Variants in MID1 observed in about 807,000 individuals in gnomAD.
MID1 encodes E3 ubiquitin-protein ligase Midline-1.
Under a neutral mutation model 40.4 loss-of-function variants are expected in MID1, and 7 were observed. That is an observed-to-expected ratio of 0.17 (90% CI 0.10 to 0.33). The LOEUF (loss-of-function observed/expected upper bound fraction) is 0.33. Ranked by LOEUF, MID1 falls within the 10% of genes least tolerant of loss-of-function variation. The pLI is 1.00. For missense variants in MID1, 367 were observed against 558.5 expected (o/e 0.66, Z 3.46); for synonymous variants, 229 against 221.2 (o/e 1.04, Z -0.31).
intron 2 of MID1, among the ~76,000 whole-genome samples, chrX:10,543,944 T>C (rs776586742): frequency 2.7e-5 from 3 of 111,333 alleles, no homozygotes; most frequent in Non-Finnish European, 5.7e-5. Flanking sequence ...AGGTGGAGGT[T>C]GCAGTGAGCT....
At chrX:10,524,260 C>T (rs1042247323) in intron 2 of MID1, among the ~76,000 whole-genome samples, 3 of 111,833 alleles carry the variant, frequency 2.7e-5, no homozygotes, top group African/African-American at 9.8e-5. Context: ...GTAAGACTCA[C>T]TAAGATTTCT....
At chrX:10,467,996 C>T (rs762051567) in intron 7 of MID1, among the ~76,000 whole-genome samples, 1 of 111,397 alleles carries the variant, frequency 9.0e-6, no homozygotes, top group Non-Finnish European at 1.9e-5. Flanking sequence ...AAAATGCACC[C>T]GCTTTTTTTC....
At position 10,449,164 on chromosome X, in the gene MID1, A is replaced by C; in HGVS notation, c.*204T>G. 2.7e-6 allele frequency: 1 copy of C among 365,549 alleles called. No homozygotes were observed. The highest frequency in any genetic ancestry group is 4.7e-6 in the Non-Finnish European group (1 of 211,593). The allele number at this position is 365,549 out of a possible 1,213,427, so 30.1% of individuals were successfully genotyped here. On this transcript the variant is annotated 3_prime_UTR_variant, in exon 10 of 10. Coordinates refer to ENST00000317552, the MANE Select transcript of MID1 (RefSeq NM_000381.4). Reference sequence around the variant, plus strand: ...ATAGATTTTCCTCTAAATACAAAAAAATTAAAGAAATTATTAAAGCCCGTA... The same window carrying C: ...ATAGATTTTCCTCTAAATACAAAAACATTAAAGAAATTATTAAAGCCCGTA...
intron 1 of MID1, among the ~76,000 whole-genome samples, chrX:10,588,933 G>C (rs1935203672): frequency 9.0e-6 from 1 of 111,435 alleles, no homozygotes; most frequent in Admixed American, 9.5e-5. Flanking sequence ...AGTTCTCCTG[G>C]TGTCATAGTA....
In MID1 at chrX:10,677,929, T is replaced by G. The variant is rs988675422; in HGVS notation, c.-186-57510A>C. Reference sequence around the variant, plus strand: ...TGAGGTGCATAGCAAATGCTATAACTTAGCTATCTTTCTTAACCTCAGTTT... The same window carrying G: ...TGAGGTGCATAGCAAATGCTATAACGTAGCTATCTTTCTTAACCTCAGTTT... On this transcript the variant is annotated intron_variant, in intron 1 of 10. Transcript: ENST00000380785. 2.3e-4 allele frequency among the ~76,000 whole-genome samples: 25 copies of G among 110,726 alleles called. No homozygotes were observed. In the Admixed American group the frequency reaches 2.4e-3, roughly 11 times the overall value.
chrX:10,454,746 GCTGA>G (rs772741689), intron 9 of MID1, 120 bp downstream of exon 9: 126 of 593,189 alleles, frequency 2.1e-4, no homozygotes, highest in Non-Finnish European at 3.1e-4. Context: ...CCTAGCAAGA[GCTGA>G]CTAATACAAC....
upstream of MID1, among the ~76,000 whole-genome samples, chrX:10,622,817 T>TA (rs1029503714): frequency 2.7e-5 from 3 of 110,942 alleles, no homozygotes; most frequent in South Asian, 3.7e-4. Flanking sequence ...AGAAAACCTC[T>TA]AAAAAAAATG....
At position 10,612,072 on chromosome X, in the gene MID1, T is replaced by A. The variant is rs1327837333; in HGVS notation, c.-57+8218A>T. Among the ~76,000 whole-genome samples, 11 of 112,186 alleles carry A rather than the reference T, an allele frequency of 9.8e-5. No individual in the cohort carries two copies. The Admixed American group carries it at 1.0e-3, about 11-fold the overall frequency. ...AGTTAAACCAAAACAATGTAGTTTA[T>A]ATGTGAACCATTCAATTCTGACAGC... On this transcript the variant is annotated intron_variant, in intron 1 of 9. Transcript: ENST00000317552.
chrX:10,673,798 G>T (rs909185851), intron 1 of MID1, among the ~76,000 whole-genome samples: 2 of 111,197 alleles, frequency 1.8e-5, no homozygotes, highest in Non-Finnish European at 3.8e-5. Flanking sequence ...AAATTCTCTG[G>T]TCCTTCATTC....
intron 1 of MID1, among the ~76,000 whole-genome samples, chrX:10,749,429 G>A (rs888758509): frequency 8.0e-5 from 9 of 112,081 alleles, no homozygotes; most frequent in African/African-American, 2.3e-4. Context: ...ATGTGCACAC[G>A]AAATTTAGTA....
intron 1 of MID1, among the ~76,000 whole-genome samples, chrX:10,734,326 G>T (rs1048722945): frequency 9.0e-6 from 1 of 111,169 alleles, no homozygotes; most frequent in African/African-American, 3.3e-5. Context: ...TTATAAGTGG[G>T]AGCTAAATGA....
chrX:10,658,202 T>C (rs1450646632), intron 1 of MID1, among the ~76,000 whole-genome samples: 3 of 109,872 alleles, frequency 2.7e-5, no homozygotes, highest in African/African-American at 3.3e-5. Context: ...ACCATTTGAA[T>C]AGGGCTTCCT....
chrX:10,816,756 T>C (rs1267723526), intron 1 of MID1, among the ~76,000 whole-genome samples: 2 of 112,420 alleles, frequency 1.8e-5, no homozygotes, highest in African/African-American at 3.2e-5. Flanking sequence ...TAATTTAGTA[T>C]TGCCATTTTG....
At position 10,456,778 on chromosome X, in the gene MID1, A is replaced by G. The variant is rs775234878; in HGVS notation, c.1448-1701T>C. ...CTTGAACCCGGGAGGCGGAGGTTGC[A>G]ATGAGCCAAGACCATGCCGCTGCGC... is the stretch of plus-strand genomic sequence containing the variant. On this transcript the variant is annotated intron_variant, in intron 8 of 9. Coordinates refer to ENST00000317552, the MANE Select transcript of MID1 (RefSeq NM_000381.4). Among the ~76,000 whole-genome samples the G allele has an allele frequency of 2.7e-5, 3 of 111,958 alleles. No individual in the cohort carries two copies. In the East Asian group the frequency reaches 8.5e-4, roughly 32 times the overall value.
At chrX:10,726,915 C>T (rs970400407) in intron 1 of MID1, among the ~76,000 whole-genome samples, 2 of 112,361 alleles carry the variant, frequency 1.8e-5, no homozygotes, top group African/African-American at 6.5e-5. Flanking sequence ...TCTTTTCTGC[C>T]TGTGGCGTAT....
At chrX:10,800,672 T>C (rs760595894) in intron 1 of MID1, among the ~76,000 whole-genome samples, 2 of 111,690 alleles carry the variant, frequency 1.8e-5, no homozygotes, top group East Asian at 5.7e-4. Flanking sequence ...TCCTACTACA[T>C]TATACGTAGA....
chrX:10,558,388 A>G, intron 2 of MID1, among the ~76,000 whole-genome samples: 1 of 112,458 alleles, frequency 8.9e-6, no homozygotes, highest in Middle Eastern at 4.6e-3. Context: ...GTCTACTCAA[A>G]AGCAGATTCA....
chrX:10,463,170 C>T (rs955703454), intron 7 of MID1, among the ~76,000 whole-genome samples: 6 of 111,293 alleles, frequency 5.4e-5, no homozygotes, highest in African/African-American at 2.0e-4. Context: ...ATAGTCATAA[C>T]TCTATTAACA....
rs186511461 is a variant in MID1 at position 10,695,685 on chromosome X, C to T, written c.-186-75266G>A. The stretch of plus-strand genomic sequence containing the variant: ...CTTTACTGCAATGCCATAGTCTCAG[C>T]GGACTGATTTTTGTCTGCGCAGCAG... On this transcript the variant is annotated intron_variant, in intron 1 of 10. Transcript: ENST00000380785. Among the ~76,000 whole-genome samples the T allele has an allele frequency of 5.2e-3, 585 of 111,772 alleles. 2 individuals carry two copies. Among genetic ancestry groups the T allele is most frequent in the Non-Finnish European group, 7.7e-3 (407 of 53,161 alleles).
Sources: allele counts gnomAD v4.1 joint callset (sites outside exome capture counted in the v4.1 genomes callset), GRCh38; gene constraint gnomAD v4.1.1; transcripts MANE v1.5; gene names NCBI Gene and HGNC (gene_info 2026-07-23, HGNC 2026-07-21).